Variants in NEXMIF observed in about 807,000 individuals in gnomAD.
The protein encoded by NEXMIF is XLMR protein related to neurite extension.
NEXMIF carries 8 observed loss-of-function variants against 62.1 expected under a neutral mutation model. The observed-to-expected ratio is 0.13, with a 90% CI of 0.08 to 0.23. The LOEUF (loss-of-function observed/expected upper bound fraction) is 0.23, where lower values mean the gene tolerates loss of function less well. Among genes scored for constraint, NEXMIF ranks in the 10% least tolerant of loss-of-function variants. The pLI is 1.00. For missense variants in NEXMIF, 976 were observed against 1,113.3 expected, an observed-to-expected ratio of 0.88 and a Z score of 1.75; for synonymous variants, 404 against 416.6, an observed-to-expected ratio of 0.97 and a Z score of 0.37.
chrX:74,819,228 A>G (rs899443540), intron 1 of NEXMIF, among the ~76,000 whole-genome samples: 2 of 112,077 alleles, frequency 1.8e-5, no homozygotes, highest in African/African-American at 6.5e-5. Flanking sequence ...AACCATAAAA[A>G]CCCCAGAAGA....
chrX:74,854,445 T>C (rs867001485), intron 1 of NEXMIF, among the ~76,000 whole-genome samples: 2 of 111,801 alleles, frequency 1.8e-5, no homozygotes, highest in Middle Eastern at 4.6e-3. Flanking sequence ...AAAGACCGTA[T>C]GTAAACATAA....
chrX:74,790,495 T>C (rs1282143889), intron 1 of NEXMIF, among the ~76,000 whole-genome samples: 2 of 110,759 alleles, frequency 1.8e-5, no homozygotes, highest in African/African-American at 6.5e-5. Context: ...TAAAGTAGTT[T>C]TTTCCAATTC....
In NEXMIF at chrX:74,735,105, C is replaced by T. The variant is rs2080081724; in HGVS notation, c.*4300G>A. Reference sequence around the variant, plus strand: ...ATGATTAGAAAACAAACCAACCTCACATTAGTTTTATTTTATAAAAAGAAC... The same window carrying T: ...ATGATTAGAAAACAAACCAACCTCATATTAGTTTTATTTTATAAAAAGAAC... On this transcript the variant is annotated 3_prime_UTR_variant, in exon 4 of 4. Coordinates refer to ENST00000055682, the MANE Select transcript of NEXMIF (RefSeq NM_001008537.3). 1 of 111,917 alleles carries T rather than the reference C, an allele frequency of 8.9e-6. No homozygotes were observed. The allele number at this position is 111,917 out of a possible 1,213,427, so 9.2% of individuals were successfully genotyped here.
At chrX:74,796,042 T>C (rs1468861561) in intron 1 of NEXMIF, among the ~76,000 whole-genome samples, 1 of 93,477 alleles carries the variant, frequency 1.1e-5, no homozygotes, top group East Asian at 3.3e-4. Flanking sequence ...AAAGGAAGGC[T>C]AGAATGAACC....
At chrX:74,875,373 C>A (rs1388460044) in intron 1 of NEXMIF, among the ~76,000 whole-genome samples, 1 of 111,762 alleles carries the variant, frequency 8.9e-6, no homozygotes, top group Non-Finnish European at 1.9e-5. Flanking sequence ...AAGCTTTTTG[C>A]TGCGCTGCTG....
At position 74,855,787 on chromosome X, in the gene NEXMIF, G is replaced by C. The variant is rs193092880; in HGVS notation, c.-48+69096C>G. Among the ~76,000 whole-genome samples, 334 of 111,859 alleles carry C rather than the reference G, an allele frequency of 3.0e-3. 1 individual carries two copies. The highest frequency in any genetic ancestry group is 0.01 in the African/African-American group (318 of 30,817). On this transcript the variant is annotated intron_variant, in intron 1 of 3. Coordinates refer to ENST00000055682, the MANE Select transcript of NEXMIF (RefSeq NM_001008537.3). ...AGACTGGGAGATTTATTGGTTCCAG[G>C]TGCTTAAAGAAATCTCTGTTCATTC...
At position 74,796,134 on chromosome X, in the gene NEXMIF, ATATATATATTATATATATACATATATAT is replaced by A. The variant is rs1359975739; in HGVS notation, c.-47-50465_-47-50438del. Reference sequence around the variant, plus strand: ...TATATTATATATATATTTATATATAATATATATATTATATATATACATATATATTATATATATTATATATATACATATA... The same window carrying A: ...TATATTATATATATATTTATATATAATATATATATTATATATATACATATA... On this transcript the variant is annotated intron_variant, in intron 1 of 3. Transcript: ENST00000055682. Among the ~76,000 whole-genome samples the A allele has an allele frequency of 3.0e-4, 22 of 73,091 alleles. No individual in the cohort carries two copies. In the South Asian group the frequency reaches 4.7e-3, roughly 16 times the overall value. 63.5% of individuals were successfully genotyped at this position (73,091 alleles called of 115,157 possible).
At chrX:74,777,120 A>T (rs1039055285) in intron 1 of NEXMIF, among the ~76,000 whole-genome samples, 4 of 111,770 alleles carry the variant, frequency 3.6e-5, no homozygotes, top group African/African-American at 1.3e-4. Context: ...CTTTATGTTG[A>T]TATACATTTA....
chrX:74,837,608 GCTC>G (rs1426051053), intron 1 of NEXMIF, among the ~76,000 whole-genome samples: 1 of 112,108 alleles, frequency 8.9e-6, no homozygotes, highest in Non-Finnish European at 1.9e-5. Flanking sequence ...ATCTTGTCCT[GCTC>G]CTCTTTATTC....
At chrX:74,886,294 G>C (rs2080692801) in intron 1 of NEXMIF, among the ~76,000 whole-genome samples, 1 of 111,636 alleles carries the variant, frequency 9.0e-6, no homozygotes, top group African/African-American at 3.3e-5. Flanking sequence ...GGAAGTTCTG[G>C]CTAGGGCAAT....
intron 1 of NEXMIF, among the ~76,000 whole-genome samples, chrX:74,799,397 C>T (rs1308184444): frequency 1.8e-5 from 2 of 110,615 alleles, no homozygotes; most frequent in African/African-American, 6.6e-5. Context: ...TTTAGAGCTG[C>T]CAGCAAAATA....
At chrX:74,834,873 T>G (rs1425069729) in intron 1 of NEXMIF, among the ~76,000 whole-genome samples, 1 of 111,714 alleles carries the variant, frequency 9.0e-6, no homozygotes, top group Non-Finnish European at 1.9e-5. Flanking sequence ...TTTGATATTA[T>G]CCCCCTGAAT....
At chrX:74,790,666 T>C (rs2080278398) in intron 1 of NEXMIF, among the ~76,000 whole-genome samples, 1 of 113,671 alleles carries the variant, frequency 8.8e-6, no homozygotes, top group African/African-American at 3.2e-5. Context: ...CAGTAGTTTG[T>C]AGTTCTCCTT....
chrX:74,833,303 T>C (rs1043787968), intron 1 of NEXMIF, among the ~76,000 whole-genome samples: 34 of 112,075 alleles, frequency 3.0e-4, no homozygotes, highest in African/African-American at 9.4e-4. Flanking sequence ...TTGTTGCATA[T>C]ATATTTACAA....
intron 1 of NEXMIF, among the ~76,000 whole-genome samples, chrX:74,883,347 C>T (rs776504695): frequency 9.0e-5 from 10 of 110,977 alleles, no homozygotes; most frequent in African/African-American, 1.6e-4. Context: ...CAAACTACTC[C>T]GAGCTAAAGA....
intron 1 of NEXMIF, among the ~76,000 whole-genome samples, chrX:74,764,303 T>C (rs2080187838): frequency 8.9e-6 from 1 of 112,196 alleles, no homozygotes; most frequent in Non-Finnish European, 1.9e-5. Context: ...CAGCTTTGCA[T>C]CCCAGGGATG....
intron 1 of NEXMIF, among the ~76,000 whole-genome samples, chrX:74,762,846 T>A (rs1206831129): frequency 2.7e-5 from 3 of 111,613 alleles, no homozygotes; most frequent in Non-Finnish European, 3.8e-5. Flanking sequence ...GTTTCAGTTC[T>A]TTGTAGATTC....
chrX:74,794,524 G>A (rs1425190407), intron 1 of NEXMIF, among the ~76,000 whole-genome samples: 1 of 112,259 alleles, frequency 8.9e-6, no homozygotes, highest in African/African-American at 3.2e-5. Flanking sequence ...CTTCCCGGCT[G>A]CTTTGTTTAC....
At chrX:74,766,606 C>T (rs769725560) in intron 1 of NEXMIF, among the ~76,000 whole-genome samples, 24 of 111,837 alleles carry the variant, frequency 2.1e-4, no homozygotes, top group African/African-American at 7.8e-4. Context: ...TTTATACTGG[C>T]TATTTCATCT....
Sources: gnomAD v4.1 joint callset for allele counts (sites outside exome capture counted in the v4.1 genomes callset) on GRCh38, gnomAD v4.1.1 for gene constraint, MANE v1.5 for transcripts, NCBI Gene and HGNC (gene_info 2026-07-23, HGNC 2026-07-21) for gene names.